EFCAB8: variants seen among roughly 807,000 people sequenced by gnomAD.
EFCAB8 encodes the protein EF-hand calcium-binding domain-containing protein 8.
A neutral mutation model predicts 116.3 loss-of-function variants in EFCAB8; 100 were observed. The observed-to-expected ratio is 0.86, with a 90% CI of 0.73 to 1.02. EFCAB8 has a LOEUF of 1.02. EFCAB8 is among the 50% of genes least tolerant of loss of function. EFCAB8 has a pLI of 0.00. For missense variants in EFCAB8, 1,320 were observed against 1,416.9 expected (o/e 0.93, Z 1.10); for synonymous variants, 558 against 567.9 (o/e 0.98, Z 0.25).
rs545509602 is a variant in EFCAB8, at chr20:32,919,997, A to G, written c.2275-81A>G. The G allele has an allele frequency of 1.0e-5, 16 of 1,538,006 alleles. No homozygotes were observed. The South Asian group carries it at 1.4e-4, about 14-fold the overall frequency. On this transcript the variant is annotated intron_variant, in intron 19 of 26. Coordinates refer to ENST00000400522, the MANE Select transcript of EFCAB8 (RefSeq NM_001143967.2). Reference sequence around the variant, plus strand: ...GGGGGCTTGGGAGTGCCGCTCTTTTATCATCTTCCTCTGGTCTCTGGTCCC... The same window carrying G: ...GGGGGCTTGGGAGTGCCGCTCTTTTGTCATCTTCCTCTGGTCTCTGGTCCC...
rs755273794 is a variant in EFCAB8, at chr20:32,911,614, C to G, written c.1692C>G (p.Cys564Trp). 16 of 1,551,598 alleles carry G rather than the reference C, an allele frequency of 1.0e-5. No individual in the cohort carries two copies. The highest frequency in any genetic ancestry group is 1.2e-5 in the Non-Finnish European group (14 of 1,146,934). The change falls in exon 16 of 27, where the codon TGC becomes TGG. Residue 564 changes from cysteine (C) to tryptophan (W), a missense_variant. Physicochemically the swap from Cys to Trp is radical, Grantham distance 215 (BLOSUM62 -2). Coordinates refer to ENST00000400522, the MANE Select transcript of EFCAB8 (RefSeq NM_001143967.2). ...TAMALDESER[C>W]LLTGLRDGTM... ...TGGCCCTGGATGAGTCAGAGCGGTG[C>G]CTGCTCACAGGTTTGCGGGATGGCA...
At chr20:32,874,662 C>T (rs1187160452) in intron 3 of EFCAB8, among the ~76,000 whole-genome samples, 1 of 152,162 alleles carries the variant, frequency 6.6e-6, no homozygotes, top group Non-Finnish European at 1.5e-5. Flanking sequence ...GTGCCTCAGC[C>T]TCCCAAGTAG....
At chr20:32,898,687 C>T in intron 11 of EFCAB8, 64 bp downstream of exon 11, 1 of 697,662 alleles carries the variant, frequency 1.4e-6, no homozygotes, top group Non-Finnish European at 2.7e-6. Context: ...GGTGAGTGGA[C>T]CATGGGGGCT....
intron 3 of EFCAB8, among the ~76,000 whole-genome samples, chr20:32,875,266 T>G (rs562990635): frequency 1.8e-4 from 28 of 152,046 alleles, no homozygotes; most frequent in Admixed American, 9.8e-4. Flanking sequence ...GACAGAAGCG[T>G]CCGGAATTGG....
chr20:32,882,577 G>A (rs575986308), intron 5 of EFCAB8, among the ~76,000 whole-genome samples: 34 of 152,190 alleles, frequency 2.2e-4, no homozygotes, highest in Non-Finnish European at 4.6e-4. Flanking sequence ...CTAGAATGCA[G>A]TGGCATCATC....
At chr20:32,873,810 C>CAAAA (rs397865341) in intron 3 of EFCAB8, among the ~76,000 whole-genome samples, 1 of 138,672 alleles carries the variant, frequency 7.2e-6, no homozygotes, top group Non-Finnish European at 1.5e-5. Flanking sequence ...AGACTCTGTC[C>CAAAA]AAAAAAAAAA....
At chr20:32,958,126 A>C (rs960106746) in intron 23 of EFCAB8, among the ~76,000 whole-genome samples, 2 of 152,080 alleles carry the variant, frequency 1.3e-5, no homozygotes. Context: ...CTGAAGCCCA[A>C]CTGAGGATCA....
At chr20:32,897,535 C>T (rs928292549) in intron 10 of EFCAB8, among the ~76,000 whole-genome samples, 14 of 151,826 alleles carry the variant, frequency 9.2e-5, no homozygotes, top group African/African-American at 3.1e-4. Context: ...CTTGACCTCC[C>T]GGGCTTAGGT....
Position 32,940,011 on chromosome 20 carries a change from C to G in EFCAB8, c.2791-3625C>G, listed in dbSNP as rs1218513421. ...TGCCTGCCTGCCTGCCTGCCTCCCT[C>G]CCTCCCTCCCTCCCTTCCTTCCTTC... On this transcript the variant is annotated intron_variant, in intron 22 of 26. Transcript: ENST00000400522. Among the ~76,000 whole-genome samples the G allele has an allele frequency of 4.6e-4, 30 of 64,666 alleles. 2 individuals carry two copies. Among genetic ancestry groups the G allele is most frequent in the Middle Eastern group, 7.2e-3 (1 of 138 alleles). 42.4% of individuals were successfully genotyped at this position (64,666 alleles called of 152,430 possible). A position where few individuals can be genotyped will look rare whatever the true frequency, so the allele number is the denominator to read the frequency against.
At chr20:32,912,650 C>G in intron 16 of EFCAB8, 144 bp from the exon 17 acceptor site, 1 of 674,026 alleles carries the variant, frequency 1.5e-6, no homozygotes, top group South Asian at 1.6e-5. Context: ...AACATGATGA[C>G]AAATACATGG....
intron 4 of EFCAB8, among the ~76,000 whole-genome samples, chr20:32,878,290 G>A (rs889099671): frequency 2.0e-5 from 3 of 151,922 alleles, no homozygotes; most frequent in African/African-American, 4.8e-5. Flanking sequence ...AAGGCCGGGT[G>A]TGGTGGCTCA....
intron 20 of EFCAB8, among the ~76,000 whole-genome samples, chr20:32,923,691 A>G (rs986340005): frequency 1.3e-5 from 2 of 152,150 alleles, no homozygotes; most frequent in Non-Finnish European, 2.9e-5. Context: ...TCACTGGATA[A>G]TATCATATTG....
intron 20 of EFCAB8, among the ~76,000 whole-genome samples, chr20:32,921,470 C>T (rs1041676408): frequency 2.0e-5 from 3 of 151,796 alleles, no homozygotes; most frequent in African/African-American, 7.3e-5. Flanking sequence ...CCTGGCTCAG[C>T]CTCCCAAAGT....
chr20:32,913,203 T>G (rs368442281), intron 17 of EFCAB8, among the ~76,000 whole-genome samples: 1 of 152,112 alleles, frequency 6.6e-6, no homozygotes, highest in East Asian at 1.9e-4. Flanking sequence ...CAACATAAAT[T>G]TATTTATCAG....
chr20:32,960,422 C>T (rs1989111584), intron 26 of EFCAB8, among the ~76,000 whole-genome samples: 1 of 152,222 alleles, frequency 6.6e-6, no homozygotes, highest in African/African-American at 2.4e-5. Context: ...ACAAGGTCTC[C>T]TTGGGCAGGA....
chr20:32,901,620 G>A (rs898538659), intron 11 of EFCAB8, among the ~76,000 whole-genome samples: 5 of 152,272 alleles, frequency 3.3e-5, no homozygotes, highest in South Asian at 4.1e-4. Context: ...AGGCTCAGGC[G>A]TGCTCCTGCG....
At chr20:32,960,010 G>T (rs1193621966) in intron 25 of EFCAB8, 28 bp downstream of exon 25, 6 of 1,551,432 alleles carry the variant, frequency 3.9e-6, no homozygotes, top group South Asian at 1.2e-5. Context: ...GCACAGGGAG[G>T]AGTGCAGGGA....
At chr20:32,922,573 A>G (rs1044982909) in intron 20 of EFCAB8, among the ~76,000 whole-genome samples, 30 of 152,220 alleles carry the variant, frequency 2.0e-4, no homozygotes, top group African/African-American at 7.0e-4. Context: ...AGTGAGGACA[A>G]TGGAGGACAA....
intron 23 of EFCAB8, among the ~76,000 whole-genome samples, chr20:32,955,413 A>G (rs1169640171): frequency 6.6e-6 from 1 of 152,096 alleles, no homozygotes; most frequent in Admixed American, 6.6e-5. Flanking sequence ...GGAAGTGTGC[A>G]CCTGTAGTCC....
Sources: gnomAD v4.1 joint callset for allele counts (sites outside exome capture counted in the v4.1 genomes callset) on GRCh38, gnomAD v4.1.1 for gene constraint, MANE v1.5 for transcripts, NCBI Gene and HGNC (gene_info 2026-07-23, HGNC 2026-07-21) for gene names.